The following RSPH14 variants were observed in gnomAD, a reference collection of about 807,000 sequenced individuals.
The protein encoded by RSPH14 is radial spoke head 14 homolog.
RSPH14 carries 20 observed loss-of-function variants against 26.7 expected under a neutral mutation model. The observed-to-expected ratio is 0.75, with a 90% CI of 0.53 to 1.09. The LOEUF is 1.09. RSPH14 is among the 50% of genes least tolerant of loss of function. The pLI is 0.00. For synonymous variants in RSPH14, 177 were observed against 189.3 expected, an observed-to-expected ratio of 0.93 and a Z score of 0.53; for missense variants, 449 against 457.2, an observed-to-expected ratio of 0.98 and a Z score of 0.16.
the RSPH14 span, chr22:23,163,744 C>CT: frequency 2.6e-4 from 40 of 152,262 alleles, no homozygotes; most frequent in African/African-American, 7.2e-4. Flanking sequence ...CTTCTGGACT[C>CT]TGTGCCTTTG....
intron 4 of RSPH14, chr22:23,123,161 C>G: frequency 6.2e-7 from 1 of 1,613,898 alleles, no homozygotes. Flanking sequence ...CCTCACTCAT[C>G]CTCTTCCTGA....
At chr22:23,128,860 G>A (rs924998659) in intron 4 of RSPH14, among the ~76,000 whole-genome samples, 4 of 152,180 alleles carry the variant, frequency 2.6e-5, no homozygotes, top group African/African-American at 9.7e-5. Context: ...AATATTTGTT[G>A]AGCGCTAGCC....
At chr22:23,165,666 CTA>C in the RSPH14 span, among the ~76,000 whole-genome samples, 4 of 152,216 alleles carry the variant, frequency 2.6e-5, no homozygotes, top group African/African-American at 4.8e-5. Context: ...TCTCATGATT[CTA>C]TGATTTGACC....
At chr22:23,177,550 C>T in the RSPH14 span, among the ~76,000 whole-genome samples, 181 of 152,142 alleles carry the variant, frequency 1.2e-3, 1 homozygote, top group African/African-American at 4.1e-3. Flanking sequence ...TGTCTAAACC[C>T]CATGCCCATG....
intron 4 of RSPH14, among the ~76,000 whole-genome samples, chr22:23,108,288 C>CA (rs2069543342): frequency 6.6e-6 from 1 of 152,244 alleles, no homozygotes; most frequent in African/African-American, 2.4e-5. Context: ...TGCTCATAGG[C>CA]AGGCCATGGG....
At chr22:23,177,584 C>T in the RSPH14 span, among the ~76,000 whole-genome samples, 3 of 152,052 alleles carry the variant, frequency 2.0e-5, no homozygotes, top group African/African-American at 7.3e-5. Flanking sequence ...GCATTCCTCC[C>T]TAGGGAGGGA....
intron 4 of RSPH14, among the ~76,000 whole-genome samples, chr22:23,126,202 G>C (rs1261286875): frequency 3.9e-5 from 6 of 152,246 alleles, no homozygotes; most frequent in Non-Finnish European, 5.9e-5. Context: ...GAAAGGGATT[G>C]AGCCTCCCTT....
At chr22:23,139,583 T>C (rs1239052436) in intron 2 of RSPH14, among the ~76,000 whole-genome samples, 1 of 152,252 alleles carries the variant, frequency 6.6e-6, no homozygotes, top group African/African-American at 2.4e-5. Context: ...ATCGTGCCAT[T>C]GCACTTCAGC....
intron 5 of RSPH14, 25 bp from the exon 6 acceptor site, chr22:23,061,970 G>T (rs775673673): frequency 6.2e-7 from 1 of 1,613,178 alleles, no homozygotes. Flanking sequence ...GAACAGAGAG[G>T]GGCTCTGCTT....
chr22:23,097,010 C>T (rs1164828523), intron 4 of RSPH14, among the ~76,000 whole-genome samples: 3 of 152,186 alleles, frequency 2.0e-5, no homozygotes, highest in South Asian at 2.1e-4. Context: ...GGGCAGTGTG[C>T]TGAGGCCCAG....
intron 4 of RSPH14, among the ~76,000 whole-genome samples, chr22:23,118,599 C>T (rs2069920433): frequency 6.6e-6 from 1 of 152,206 alleles, no homozygotes; most frequent in African/African-American, 2.4e-5. Context: ...GGGGAGTCAG[C>T]CCCTCTTGAG....
upstream of RSPH14, among the ~76,000 whole-genome samples, chr22:23,149,500 T>A (rs577152685): frequency 2.0e-4 from 31 of 152,286 alleles, no homozygotes; most frequent in Non-Finnish European, 3.4e-4. Flanking sequence ...TCCAGGCACA[T>A]GTATGCATGT....
chr22:23,180,623 A>G, the RSPH14 span: 114,877 of 174,048 alleles, frequency 0.66, 39,169 homozygotes, highest in East Asian at 0.96. Flanking sequence ...GGCGGTGCGG[A>G]AGCGAGAGGC....
intron 4 of RSPH14, among the ~76,000 whole-genome samples, chr22:23,129,395 C>A (rs979765013): frequency 6.6e-6 from 1 of 152,108 alleles, no homozygotes; most frequent in Non-Finnish European, 1.5e-5. Context: ...GGCTTCTGTT[C>A]GTGAGCTTGT....
At chr22:23,173,922 C>G in the RSPH14 span, among the ~76,000 whole-genome samples, 1 of 151,980 alleles carries the variant, frequency 6.6e-6, no homozygotes, top group Non-Finnish European at 1.5e-5. Flanking sequence ...GTTGGTCAGG[C>G]TGGTCTTGAA....
chr22:23,139,988 G>C lies in RSPH14; in HGVS notation c.199+234C>G, dbSNP rs950722072. On this transcript the variant is annotated intron_variant, in intron 2 of 6. Transcript: ENST00000216036. ...AAGCAGGAGGATCTCTTGACCCCAA[G>C]ATTTCAAGGTTACAGTGAGCTATGA... Among the ~76,000 whole-genome samples the C allele has an allele frequency of 4.6e-5, 7 of 152,222 alleles. No homozygotes were observed. The East Asian group carries it at 1.3e-3, about 29-fold the overall frequency.
At chr22:23,166,147 T>TAAAAAAAAAA in the RSPH14 span, among the ~76,000 whole-genome samples, 22 of 59,884 alleles carry the variant, frequency 3.7e-4, no homozygotes, top group African/African-American at 1.4e-3. Context: ...CTCTGTCTTT[T>TAAAAAAAAAA]AAAAAAAAAA....
intron 4 of RSPH14, among the ~76,000 whole-genome samples, chr22:23,075,307 G>C (rs1485812310): frequency 1.3e-5 from 2 of 152,184 alleles, no homozygotes; most frequent in African/African-American, 2.4e-5. Flanking sequence ...CATGGCCCAG[G>C]GAACCCAAAG....
intron 4 of RSPH14, among the ~76,000 whole-genome samples, chr22:23,098,666 C>T (rs796797350): frequency 1.1e-4 from 17 of 152,366 alleles, no homozygotes; most frequent in African/African-American, 3.8e-4. Context: ...GAAACCCAAG[C>T]GAGGCTGGAA....
Sources: allele counts gnomAD v4.1 joint callset (sites outside exome capture counted in the v4.1 genomes callset), GRCh38; gene constraint gnomAD v4.1.1; transcripts MANE v1.5; gene names NCBI Gene and HGNC (gene_info 2026-07-23, HGNC 2026-07-21).